GALNTL5: variants seen among roughly 807,000 people sequenced by gnomAD.
GALNTL5 encodes the protein inactive polypeptide N-acetylgalactosaminyltransferase-like protein 5.
GALNTL5 carries 44 observed loss-of-function variants against 51.0 expected under a neutral mutation model. The ratio of observed to expected loss-of-function variants is 0.86; its 90% confidence interval spans 0.68 to 1.11. GALNTL5 has a LOEUF of 1.11. GALNTL5 is among the 50% of genes least tolerant of loss of function. GALNTL5 has a pLI of 0.00. For missense variants in GALNTL5, 528 were observed against 531.8 expected (o/e 0.99, Z 0.07); for synonymous variants, 192 against 182.8 (o/e 1.05, Z -0.41).
intron 1 of GALNTL5, among the ~76,000 whole-genome samples, chr7:151,956,831 A>T (rs2080931585): frequency 6.6e-6 from 1 of 152,174 alleles, no homozygotes; most frequent in Non-Finnish European, 1.5e-5. Flanking sequence ...TAATGGCTTT[A>T]GTTCATGAAA....
At chr7:151,980,086 A>G (rs1482384987) in intron 3 of GALNTL5, among the ~76,000 whole-genome samples, 2 of 151,988 alleles carry the variant, frequency 1.3e-5, no homozygotes. Flanking sequence ...CAATGATCTT[A>G]CTGGAATATT....
Position 151,969,910 on chromosome 7 carries a change from C to A in GALNTL5, c.248-1035C>A, listed in dbSNP as rs529663246. Among the ~76,000 whole-genome samples the A allele has an allele frequency of 2.6e-3, 393 of 152,224 alleles. 3 individuals carry two copies. Among genetic ancestry groups the A allele is most frequent in the African/African-American group, 9.1e-3 (377 of 41,550 alleles). ...CAAGCTCCGCCTCCGGGGTTCACGC[C>A]ATTCTCCTGCCTCAGCCTCCCGAGT... On this transcript the variant is annotated intron_variant, in intron 2 of 8. Transcript: ENST00000392800.
intron 7 of GALNTL5, among the ~76,000 whole-genome samples, chr7:152,010,372 A>C (rs965537986): frequency 6.6e-6 from 1 of 152,088 alleles, no homozygotes; most frequent in Admixed American, 6.5e-5. Flanking sequence ...CGGCCTCCCA[A>C]AGTGCTGGGA....
At chr7:152,014,418 C>G (rs913083244) in intron 7 of GALNTL5, among the ~76,000 whole-genome samples, 3 of 152,162 alleles carry the variant, frequency 2.0e-5, no homozygotes, top group African/African-American at 7.2e-5. Context: ...CAGGCATGCG[C>G]CACCACGCCT....
intron 3 of GALNTL5, among the ~76,000 whole-genome samples, chr7:151,972,684 G>A (rs540861875): frequency 2.0e-5 from 3 of 152,354 alleles, no homozygotes; most frequent in Admixed American, 6.5e-5. Flanking sequence ...GGTTTCAGAG[G>A]TTGCAAGCTC....
At chr7:151,994,762 ATTT>A (rs55666718) in intron 5 of GALNTL5, among the ~76,000 whole-genome samples, 100 of 144,136 alleles carry the variant, frequency 6.9e-4, no homozygotes, top group African/African-American at 8.5e-4. Flanking sequence ...CTTACCCCCA[ATTT>A]TTTTTTTTTT....
At chr7:152,000,887 T>C (rs554249020) in intron 5 of GALNTL5, among the ~76,000 whole-genome samples, 206 of 151,434 alleles carry the variant, frequency 1.4e-3, no homozygotes, top group Middle Eastern at 3.4e-3. Flanking sequence ...TGTTTCTTTT[T>C]CTTTTCTTTT....
Position 152,019,842 on chromosome 7 carries a change from C to G in GALNTL5, c.*41C>G, listed in dbSNP as rs145311010. On this transcript the variant is annotated 3_prime_UTR_variant, in exon 9 of 9. Transcript: ENST00000392800. ...CTTTCATTAATAAAGGGTTAAAAGT[C>G]TCCTAGTCATTCAACATAGTGTCAC... 396 of 1,533,796 alleles carry G rather than the reference C, an allele frequency of 2.6e-4. No individual in the cohort carries two copies. The highest frequency in any genetic ancestry group is 6.4e-4 in the Admixed American group (35 of 54,504).
chr7:152,016,203 A>C (rs894204570), intron 8 of GALNTL5, among the ~76,000 whole-genome samples: 4 of 152,068 alleles, frequency 2.6e-5, no homozygotes, highest in South Asian at 2.1e-4. Flanking sequence ...TTGGGAGTTC[A>C]AGACCAGCCT....
intron 5 of GALNTL5, among the ~76,000 whole-genome samples, chr7:151,988,849 C>T (rs1007104512): frequency 1.3e-5 from 2 of 151,746 alleles, no homozygotes; most frequent in Non-Finnish European, 2.9e-5. Flanking sequence ...TACAGGTGCC[C>T]GCCACCATGC....
intron 8 of GALNTL5, among the ~76,000 whole-genome samples, chr7:152,015,609 C>T (rs2081801839): frequency 6.6e-6 from 1 of 152,044 alleles, no homozygotes; most frequent in Non-Finnish European, 1.5e-5. Flanking sequence ...CCGCCCACCT[C>T]GGCCTTCCAA....
intron 5 of GALNTL5, among the ~76,000 whole-genome samples, chr7:151,999,115 C>G (rs12668794): frequency 1.3e-5 from 2 of 151,996 alleles, no homozygotes; most frequent in Non-Finnish European, 2.9e-5. Context: ...TTCATATCAA[C>G]GGAATCATAC....
At chr7:151,962,123 C>T (rs1016688085) in intron 1 of GALNTL5, among the ~76,000 whole-genome samples, 1 of 151,730 alleles carries the variant, frequency 6.6e-6, no homozygotes, top group Non-Finnish European at 1.5e-5. Context: ...CTGCCTCAGC[C>T]TCCTGAGTAG....
At chr7:151,987,421 C>G in intron 5 of GALNTL5, 140 bp downstream of exon 5, 2 of 701,356 alleles carry the variant, frequency 2.9e-6, no homozygotes, top group Non-Finnish European at 4.4e-6. Context: ...GCCATATGAG[C>G]CTTTAATCTT....
At chr7:152,006,463 T>C (rs765114953) in intron 6 of GALNTL5, among the ~76,000 whole-genome samples, 2 of 152,204 alleles carry the variant, frequency 1.3e-5, no homozygotes, top group Non-Finnish European at 1.5e-5. Flanking sequence ...GGAATGTTCC[T>C]ATCTGGTGCA....
At chr7:152,016,520 C>G (rs2151963097) in intron 8 of GALNTL5, among the ~76,000 whole-genome samples, 1 of 152,218 alleles carries the variant, frequency 6.6e-6, no homozygotes, top group East Asian at 1.9e-4. Flanking sequence ...AATGGCGTGG[C>G]AGCACCTACT....
At chr7:152,005,482 T>A (rs886934607) in intron 6 of GALNTL5, among the ~76,000 whole-genome samples, 1 of 152,128 alleles carries the variant, frequency 6.6e-6, no homozygotes, top group African/African-American at 2.4e-5. Context: ...AGAAATACCA[T>A]GAGTGGAGCA....
At chr7:152,000,882 C>T (rs539925613) in intron 5 of GALNTL5, among the ~76,000 whole-genome samples, 2 of 149,052 alleles carry the variant, frequency 1.3e-5, no homozygotes, top group African/African-American at 4.9e-5. Context: ...TTCTTTGTTT[C>T]TTTTTCTTTT....
chr7:151,967,176 A>C, intron 1 of GALNTL5, 32 bp from the exon 2 acceptor site: 1 of 1,396,790 alleles, frequency 7.2e-7, no homozygotes, highest in Non-Finnish European at 9.9e-7. Context: ...TGGAATATCT[A>C]ATGCTGCTCC....
Sources: allele counts gnomAD v4.1 joint callset (sites outside exome capture counted in the v4.1 genomes callset), GRCh38; gene constraint gnomAD v4.1.1; transcripts MANE v1.5; gene names NCBI Gene and HGNC (gene_info 2026-07-23, HGNC 2026-07-21).